The following SCARB2 variants were observed in gnomAD, a reference collection of about 807,000 sequenced individuals.
SCARB2 encodes the protein lysosome membrane protein 2.
A neutral mutation model predicts 58.6 loss-of-function variants in SCARB2; 29 were observed. The observed-to-expected ratio is 0.49, with a 90% CI of 0.37 to 0.67. The LOEUF is 0.67. SCARB2 is among the 30% of genes least tolerant of loss of function. The pLI, the probability that SCARB2 is intolerant of heterozygous loss-of-function variation, is 0.00. For missense variants in SCARB2, 488 were observed against 578.5 expected (o/e 0.84, Z 1.60); for synonymous variants, 195 against 210.1 (o/e 0.93, Z 0.62).
intron 1 of SCARB2, among the ~76,000 whole-genome samples, chr4:76,210,998 A>C (rs1398736502): frequency 6.6e-6 from 1 of 152,224 alleles, no homozygotes; most frequent in Non-Finnish European, 1.5e-5. Flanking sequence ...CATTAGAATC[A>C]AGTTATGAAT....
At position 76,196,432 on chromosome 4, in the gene SCARB2, A is replaced by G. The variant is rs192716870; in HGVS notation, c.118-568T>C. On this transcript the variant is annotated intron_variant, in intron 1 of 11. Transcript: ENST00000264896. ...CAGCACTTGGGCAGAAGCATGAAGCATAGTGTTTCCAAAACCTAGGGCACA... is the reference window on the plus strand; with the variant it reads ...CAGCACTTGGGCAGAAGCATGAAGCGTAGTGTTTCCAAAACCTAGGGCACA... Among the ~76,000 whole-genome samples the G allele has an allele frequency of 1.2e-4, 19 of 152,358 alleles. 1 individual carries two copies. The highest frequency in any genetic ancestry group is 3.4e-3 in the Middle Eastern group (1 of 294).
chr4:76,218,875 T>C (rs1733260709), intron 1 of SCARB2, among the ~76,000 whole-genome samples: 1 of 152,330 alleles, frequency 6.6e-6, no homozygotes, highest in Non-Finnish European at 1.5e-5. Context: ...TACTTGTACA[T>C]AGTACTTGTA....
intron 1 of SCARB2, among the ~76,000 whole-genome samples, chr4:76,223,558 GTGTGATCCCAAGACGT>G (rs546535290): frequency 4.1e-4 from 63 of 152,282 alleles, no homozygotes; most frequent in African/African-American, 1.4e-3. Context: ...GCTACTCAAA[GTGTGATCCCAAGACGT>G]TGCATTGGAA....
intron 1 of SCARB2, among the ~76,000 whole-genome samples, chr4:76,234,006 C>A (rs1459237217): frequency 6.6e-6 from 1 of 152,210 alleles, no homozygotes; most frequent in Non-Finnish European, 1.5e-5. Context: ...GGTTCCTTCA[C>A]CAGGGAGACA....
intron 4 of SCARB2, chr4:76,179,191 T>A: frequency 2.9e-6 from 1 of 349,734 alleles, no homozygotes; most frequent in Non-Finnish European, 5.5e-6. Context: ...GTAGGTGAGA[T>A]TACAGGTGTA....
intron 1 of SCARB2, among the ~76,000 whole-genome samples, chr4:76,220,175 T>G (rs1733283891): frequency 6.6e-6 from 1 of 152,100 alleles, no homozygotes. Flanking sequence ...CCCCCAAAAT[T>G]GAAGACAGGT....
At chr4:76,197,870 AGC>A (rs1732746091) in intron 1 of SCARB2, among the ~76,000 whole-genome samples, 3 of 152,030 alleles carry the variant, frequency 2.0e-5, no homozygotes, top group Admixed American at 6.5e-5. Flanking sequence ...TACTTCTGTA[AGC>A]AGAAAAAAAA....
chr4:76,227,380 T>C (rs551008636), intron 1 of SCARB2, among the ~76,000 whole-genome samples: 13 of 152,242 alleles, frequency 8.5e-5, no homozygotes, highest in Admixed American at 3.9e-4. Flanking sequence ...TTTTCAGTTT[T>C]ATTTCACTGT....
chr4:76,230,484 C>T (rs1458626880), intron 1 of SCARB2, among the ~76,000 whole-genome samples: 1 of 152,184 alleles, frequency 6.6e-6, no homozygotes, highest in Non-Finnish European at 1.5e-5. Flanking sequence ...ACCTGCCCCT[C>T]CCTGTCTGCC....
intron 3 of SCARB2, chr4:76,180,112 T>C: frequency 3.5e-6 from 1 of 284,764 alleles, no homozygotes; most frequent in Middle Eastern, 1.2e-3. Flanking sequence ...GTCTAGGTCC[T>C]GGGTCCATCA....
chr4:76,190,009 CTT>C (rs796495594), intron 2 of SCARB2, among the ~76,000 whole-genome samples: 56 of 134,644 alleles, frequency 4.2e-4, no homozygotes, highest in African/African-American at 7.2e-4. Flanking sequence ...ATACTTGACA[CTT>C]TTTTTTTTTT....
At chr4:76,178,575 AG>A (rs1732310144) in intron 4 of SCARB2, among the ~76,000 whole-genome samples, 1 of 152,180 alleles carries the variant, frequency 6.6e-6, no homozygotes, top group African/African-American at 2.4e-5. Context: ...AATTATTTCT[AG>A]AAGGGAGGTT....
Position 76,174,121 on chromosome 4 carries a change from A to G in SCARB2, c.994+23T>C, listed in dbSNP as rs750082665. On this transcript the variant is annotated intron_variant, in intron 7 of 11. Transcript: ENST00000264896. The stretch of plus-strand genomic sequence containing the variant: ...CTTCTGCATTCTTGACACCCCTATC[A>G]TGTCCCCTCTCTGAGTTCTTACCAT... 1.6e-5 allele frequency: 26 copies of G among 1,612,706 alleles called. 1 individual carries two copies. The South Asian group carries it at 2.9e-4, about 18-fold the overall frequency.
intron 1 of SCARB2, among the ~76,000 whole-genome samples, chr4:76,224,078 C>G (rs1446608907): frequency 6.6e-6 from 1 of 152,158 alleles, no homozygotes; most frequent in Non-Finnish European, 1.5e-5. Context: ...GGTATTAAAC[C>G]AGAATGTGAC....
chr4:76,217,732 A>G, upstream of SCARB2: 1 of 519,000 alleles, frequency 1.9e-6, no homozygotes, highest in Admixed American at 3.0e-5. Context: ...GAAAATGAGG[A>G]GACTGATGCT....
At chr4:76,190,989 A>G (rs1217112856) in intron 2 of SCARB2, among the ~76,000 whole-genome samples, 1 of 152,224 alleles carries the variant, frequency 6.6e-6, no homozygotes, top group Non-Finnish European at 1.5e-5. Context: ...TCTCATTAAT[A>G]ATTCTAAATA....
intron 7 of SCARB2, among the ~76,000 whole-genome samples, chr4:76,171,747 T>G (rs1457058886): frequency 2.8e-5 from 4 of 143,862 alleles, no homozygotes; most frequent in African/African-American, 1.1e-4. Context: ...CTATTACCAG[T>G]AAGGCAATGG....
At position 76,213,648 on chromosome 4, in the gene SCARB2, G is replaced by T. The variant is rs1230544221; in HGVS notation, c.-105C>A. 1.1e-6 allele frequency: 1 copy of T among 872,230 alleles called. No homozygotes were observed. Among genetic ancestry groups the T allele is most frequent in the Admixed American group, 2.1e-5 (1 of 47,950 alleles). 54.0% of individuals were successfully genotyped at this position (872,230 alleles called of 1,614,324 possible). On this transcript the variant is annotated 5_prime_UTR_variant, in exon 1 of 12. Coordinates refer to ENST00000264896, the MANE Select transcript of SCARB2 (RefSeq NM_005506.4). ...CGTCGAAGACCCGGGACCCTTCGGC[G>T]CCACGCCCACGCCCTCCCGGCGCAC... is the stretch of plus-strand genomic sequence containing the variant.
At chr4:76,207,964 T>G (rs7654339) in intron 1 of SCARB2, among the ~76,000 whole-genome samples, 8,609 of 152,292 alleles carry the variant, frequency 0.057, 764 homozygotes, top group African/African-American at 0.19. Flanking sequence ...TCTTAAGGAA[T>G]GAAGACATGG....
Sources: gnomAD v4.1 joint callset for allele counts (sites outside exome capture counted in the v4.1 genomes callset) on GRCh38, gnomAD v4.1.1 for gene constraint, MANE v1.5 for transcripts, NCBI Gene and HGNC (gene_info 2026-07-23, HGNC 2026-07-21) for gene names.